Variants in FSD2 observed in about 807,000 individuals in gnomAD.
The protein encoded by FSD2 is fibronectin type III and SPRY domain-containing protein 2.
Under a neutral mutation model 80.4 loss-of-function variants are expected in FSD2, and 71 were observed. The observed-to-expected ratio is 0.88, with a 90% CI of 0.73 to 1.08. FSD2 has a LOEUF of 1.08. FSD2 is among the 50% of genes least tolerant of loss of function. The probability of loss-of-function intolerance (pLI) is 0.00; values close to 1 mark genes in which losing one functional copy is unlikely to be tolerated. For synonymous variants in FSD2, 361 were observed against 329.5 expected (o/e 1.10, Z -1.03); for missense variants, 923 against 913.8 (o/e 1.01, Z -0.13).
intron 11 of FSD2, among the ~76,000 whole-genome samples, chr15:82,764,911 A>C (rs2049377661): frequency 6.6e-6 from 1 of 151,982 alleles, no homozygotes; most frequent in Non-Finnish European, 1.5e-5. Context: ...CCTAGGACCC[A>C]GGGACCATGC....
intron 11 of FSD2, 121 bp downstream of exon 11, chr15:82,765,045 A>T: frequency 8.2e-7 from 1 of 1,212,276 alleles, no homozygotes; most frequent in Non-Finnish European, 1.1e-6. Flanking sequence ...CTCCCTCCTC[A>T]CTCATTTGTA....
chr15:82,771,986 T>C, intron 7 of FSD2, 87 bp downstream of exon 7: 3 of 1,341,660 alleles, frequency 2.2e-6, no homozygotes, highest in East Asian at 2.6e-5. Flanking sequence ...GTCTCTACCA[T>C]CCCAACTGCC....
intron 4 of FSD2, among the ~76,000 whole-genome samples, chr15:82,781,773 C>G (rs559188421): frequency 5.9e-4 from 90 of 152,060 alleles, no homozygotes; most frequent in African/African-American, 2.1e-3. Flanking sequence ...TCTTAGAGCA[C>G]TCTTGGCCGG....
chr15:82,763,971 A>G (rs1324268744), intron 11 of FSD2, among the ~76,000 whole-genome samples: 1 of 152,206 alleles, frequency 6.6e-6, no homozygotes, highest in Non-Finnish European at 1.5e-5. Flanking sequence ...TGTACAAAGC[A>G]ATTATCTGCC....
intron 6 of FSD2, among the ~76,000 whole-genome samples, chr15:82,778,005 G>A (rs1041230037): frequency 6.7e-6 from 1 of 150,356 alleles, no homozygotes; most frequent in East Asian, 1.9e-4. Context: ...TTGTGGTGGT[G>A]TGTGCCTGTA....
At chr15:82,782,020 T>C (rs1337713383) in intron 4 of FSD2, among the ~76,000 whole-genome samples, 24 of 136,252 alleles carry the variant, frequency 1.8e-4, no homozygotes, top group East Asian at 4.7e-4. Flanking sequence ...GCCGAGATCG[T>C]GCCACTGCAC....
chr15:82,793,068 C>A (rs2050187567), intron 1 of FSD2, among the ~76,000 whole-genome samples: 1 of 152,094 alleles, frequency 6.6e-6, no homozygotes, highest in South Asian at 2.1e-4. Flanking sequence ...TGGTCCTAGA[C>A]TTTTCTTTGT....
intron 1 of FSD2, among the ~76,000 whole-genome samples, chr15:82,803,311 C>G (rs186345886): frequency 6.6e-6 from 1 of 152,244 alleles, no homozygotes; most frequent in East Asian, 1.9e-4. Context: ...ATAGCTTATA[C>G]AGCATATGTT....
chr15:82,799,267 T>C (rs906859348), intron 1 of FSD2, among the ~76,000 whole-genome samples: 4 of 152,170 alleles, frequency 2.6e-5, no homozygotes, highest in Admixed American at 6.6e-5. Context: ...TCCTGACTGC[T>C]CCATGCCATT....
rs532344101 is a variant in FSD2 at position 82,765,399 on chromosome 15, C to G, written c.1688-101G>C. On this transcript the variant is annotated intron_variant, in intron 10 of 12. Coordinates refer to ENST00000334574, the MANE Select transcript of FSD2 (RefSeq NM_001007122.4). ...AGCTTCGTGTGGGATACACCTAAGC[C>G]TGGACCTGGCCTAGTAATAGGCGTC... 54 of 1,485,626 alleles carry G rather than the reference C, an allele frequency of 3.6e-5. No homozygotes were observed. The African/African-American group carries it at 7.2e-4, about 20-fold the overall frequency. The allele number at this position is 1,485,626 out of a possible 1,614,324, so 92.0% of individuals were successfully genotyped here.
At chr15:82,790,544 T>TTGTG (rs57545404) in intron 1 of FSD2, among the ~76,000 whole-genome samples, 3,013 of 148,760 alleles carry the variant, frequency 0.02, 32 homozygotes, top group East Asian at 0.061. Context: ...GAGCTGCCAT[T>TTGTG]TGTGTGTGTG....
chr15:82,778,401 T>A (rs557784053), intron 6 of FSD2, among the ~76,000 whole-genome samples: 1 of 152,130 alleles, frequency 6.6e-6, no homozygotes, highest in Non-Finnish European at 1.5e-5. Flanking sequence ...CATGGATGAA[T>A]CTTGAGGACA....
At position 82,778,952 on chromosome 15, in the gene FSD2, T is replaced by C; in HGVS notation, c.990-65A>G. The C allele has an allele frequency of 3.9e-6, 6 of 1,550,180 alleles. No homozygotes were observed. The South Asian group carries it at 7.1e-5, about 18-fold the overall frequency. ...CATTCTCCTTAGGGTATATATATAG[T>C]GCTGAGTCACTGTCATAAATGAAGA... On this transcript the variant is annotated intron_variant, in intron 5 of 12. Coordinates refer to ENST00000334574, the MANE Select transcript of FSD2 (RefSeq NM_001007122.4).
chr15:82,788,370 G>A (rs2050059544), intron 1 of FSD2, among the ~76,000 whole-genome samples: 1 of 151,196 alleles, frequency 6.6e-6, no homozygotes, highest in Non-Finnish European at 1.5e-5. Context: ...CAGGCATAGT[G>A]GTGTGCACGT....
At chr15:82,797,679 G>A (rs183855542) in intron 1 of FSD2, among the ~76,000 whole-genome samples, 117 of 152,162 alleles carry the variant, frequency 7.7e-4, no homozygotes, top group Non-Finnish European at 1.4e-3. Flanking sequence ...GCGTGGTGGC[G>A]GGCGCCTGTA....
intron 1 of FSD2, among the ~76,000 whole-genome samples, chr15:82,797,825 A>AATT (rs2050314354): frequency 6.6e-6 from 1 of 151,904 alleles, no homozygotes; most frequent in East Asian, 1.9e-4. Context: ...TAACAATAAT[A>AATT]ATTATTATTA....
At chr15:82,804,765 T>C (rs1010642839) in intron 1 of FSD2, among the ~76,000 whole-genome samples, 1 of 152,192 alleles carries the variant, frequency 6.6e-6, no homozygotes, top group African/African-American at 2.4e-5. Context: ...TAAGAACACA[T>C]GCTTTCAAGC....
chr15:82,773,244 C>T (rs566021885), intron 6 of FSD2, among the ~76,000 whole-genome samples: 23 of 152,224 alleles, frequency 1.5e-4, no homozygotes, highest in Non-Finnish European at 2.9e-4. Context: ...CATGTAAGAG[C>T]ACAGCTGAAC....
intron 11 of FSD2, 91 bp downstream of exon 11, chr15:82,765,075 G>T: frequency 1.4e-6 from 2 of 1,400,624 alleles, no homozygotes; most frequent in Non-Finnish European, 1.9e-6. Context: ...TTCCCTCGAG[G>T]CTGCCTCCGT....
Sources: gnomAD v4.1 joint callset for allele counts (sites outside exome capture counted in the v4.1 genomes callset) on GRCh38, gnomAD v4.1.1 for gene constraint, MANE v1.5 for transcripts, NCBI Gene and HGNC (gene_info 2026-07-23, HGNC 2026-07-21) for gene names.